Variants in TRAPPC8 observed in about 807,000 individuals in gnomAD.
TRAPPC8 encodes the protein general sporulation gene 1 homolog.
In TRAPPC8, 54 loss-of-function variants were observed where a neutral mutation model predicts 174.3. The observed-to-expected ratio is 0.31, with a 90% CI of 0.25 to 0.39. TRAPPC8 has a LOEUF of 0.39. Ranked by LOEUF, TRAPPC8 falls within the 10% of genes least tolerant of loss-of-function variation. The pLI is 1.00. For missense variants in TRAPPC8, 1,531 were observed against 1,699.1 expected (o/e 0.90, Z 1.74); for synonymous variants, 630 against 579.9 (o/e 1.09, Z -1.24).
At chr18:31,888,812 G>A (rs544479932) in intron 12 of TRAPPC8, among the ~76,000 whole-genome samples, 4 of 152,280 alleles carry the variant, frequency 2.6e-5, no homozygotes, top group African/African-American at 9.6e-5. Flanking sequence ...ATGAATGCTG[G>A]GCTTAATACC....
intron 15 of TRAPPC8, 77 bp from the exon 16 acceptor site, chr18:31,870,579 T>C: frequency 1.4e-6 from 2 of 1,471,518 alleles, no homozygotes; most frequent in Non-Finnish European, 1.9e-6. Context: ...TCTAAATGCA[T>C]CTTGCTTTCA....
chr18:31,928,030 C>A lies in TRAPPC8; in HGVS notation c.352+3299G>T, dbSNP rs151023602. ...AATTAGCCGGGTGTGGTGGTGCACA[C>A]CTGTAGTCCCAGAAACTCAGGAGGC... On this transcript the variant is annotated intron_variant, in intron 2 of 28. Transcript: ENST00000283351. Among the ~76,000 whole-genome samples, 834 of 151,786 alleles carry A rather than the reference C, an allele frequency of 5.5e-3. 5 individuals are homozygous for A. Among genetic ancestry groups the A allele is most frequent in the African/African-American group, 0.019 (792 of 41,392 alleles).
At chr18:31,883,928 C>T (rs1396696193) in intron 12 of TRAPPC8, among the ~76,000 whole-genome samples, 2 of 152,290 alleles carry the variant, frequency 1.3e-5, no homozygotes, top group East Asian at 1.9e-4. Flanking sequence ...GTGACTTACA[C>T]CTGTAATCCT....
chr18:31,913,174 GAAA>G (rs950126523), intron 5 of TRAPPC8, among the ~76,000 whole-genome samples, 192 bp downstream of exon 5: 5 of 151,960 alleles, frequency 3.3e-5, no homozygotes, highest in Admixed American at 1.3e-4. Flanking sequence ...GTACACACCT[GAAA>G]AGAGTGCACA....
In TRAPPC8 at chr18:31,909,561, G is replaced by A. The variant is rs1209568794; in HGVS notation, c.865+106C>T. On this transcript the variant is annotated intron_variant, in intron 6 of 28. Transcript: ENST00000283351. ...AAACTAACCTGCCCAATATCTTTCT[G>A]TATTATGAAAAATTTCCCCCATCTT... 2.7e-6 allele frequency: 4 copies of A among 1,455,990 alleles called. No homozygotes were observed. In the African/African-American group the frequency reaches 5.9e-5, roughly 21 times the overall value. 90.2% of individuals were successfully genotyped at this position (1,455,990 alleles called of 1,614,324 possible).
Position 31,870,488 on chromosome 18 carries a change from C to T in TRAPPC8, c.2272G>A (p.Glu758Lys). ...TTCAAAGGGTTTCTAAAAGCCACTT[C>T]CACTGTAATTGGTTCTATTAAAAAA... ...LAVVEEPITV[E>K]VAFRNPLKVL... is the part of the protein sequence containing the mutation. The change falls in exon 16 of 29, where the codon GAA (glutamate) becomes AAA (lysine). Residue 758 changes from glutamate to lysine, a missense_variant. Coordinates refer to ENST00000283351, the MANE Select transcript of TRAPPC8 (RefSeq NM_014939.5). 3 of 1,610,962 alleles carry T rather than the reference C, an allele frequency of 1.9e-6. No homozygotes were observed. The highest frequency in any genetic ancestry group is 2.5e-6 in the Non-Finnish European group (3 of 1,178,710).
chr18:31,848,926 T>C (rs1337137020), intron 25 of TRAPPC8, among the ~76,000 whole-genome samples: 2 of 152,194 alleles, frequency 1.3e-5, no homozygotes, highest in African/African-American at 4.8e-5. Context: ...CTGCCATGTG[T>C]GAACCTTATT....
chr18:31,936,860 C>T lies in TRAPPC8; in HGVS notation c.158-5337G>A, dbSNP rs143017231. Among the ~76,000 whole-genome samples the T allele has an allele frequency of 3.2e-3, 421 of 131,354 alleles. 2 individuals are homozygous for T. Among genetic ancestry groups the T allele is most frequent in the African/African-American group, 0.011 (365 of 33,882 alleles). The allele number at this position is 131,354 out of a possible 152,430, so 86.2% of individuals were successfully genotyped here. ...GAGGTTGCAGTGAGCTAAGATTGTG[C>T]GACGGCACTGCAGTCTGGGTGACAG... On this transcript the variant is annotated intron_variant, in intron 1 of 28. Transcript: ENST00000283351.
chr18:31,932,441 C>A lies in TRAPPC8; in HGVS notation c.158-918G>T, dbSNP rs377331661. Among the ~76,000 whole-genome samples, 602 of 148,736 alleles carry A rather than the reference C, an allele frequency of 4.0e-3. 7 individuals carry two copies. The highest frequency in any genetic ancestry group is 0.029 in the South Asian group (138 of 4,696). On this transcript the variant is annotated intron_variant, in intron 1 of 28. Coordinates refer to ENST00000283351, the MANE Select transcript of TRAPPC8 (RefSeq NM_014939.5). ...GACTTGGTCTCCAAAAAAAAAAAAA[C>A]AACAACAACAACAAAAAAACAATGT...
chr18:31,858,284 A>G (rs1352332494), intron 19 of TRAPPC8, among the ~76,000 whole-genome samples: 4 of 152,226 alleles, frequency 2.6e-5, no homozygotes, highest in Non-Finnish European at 5.9e-5. Flanking sequence ...GGACCAGAAA[A>G]GTTGAAAGTA....
intron 27 of TRAPPC8, among the ~76,000 whole-genome samples, chr18:31,836,945 G>A (rs2032773601): frequency 6.6e-6 from 1 of 151,912 alleles, no homozygotes; most frequent in Non-Finnish European, 1.5e-5. Flanking sequence ...TGTATTTTTA[G>A]TAGAGATGGG....
intron 2 of TRAPPC8, among the ~76,000 whole-genome samples, chr18:31,919,486 T>C (rs775277761): frequency 1.9e-4 from 29 of 150,920 alleles, no homozygotes; most frequent in African/African-American, 2.9e-4. Context: ...TGAGCTGAGA[T>C]GGCGTCACTG....
chr18:31,913,620 C>A, intron 4 of TRAPPC8, 98 bp from the exon 5 acceptor site: 1 of 934,234 alleles, frequency 1.1e-6, no homozygotes. Flanking sequence ...TAAAATAATC[C>A]CCCAAAAAGG....
At chr18:31,920,543 G>C (rs1217648494) in intron 2 of TRAPPC8, among the ~76,000 whole-genome samples, 1 of 152,056 alleles carries the variant, frequency 6.6e-6, no homozygotes, top group Non-Finnish European at 1.5e-5. Flanking sequence ...GCTCATGCCT[G>C]TAATCCTAGC....
intron 24 of TRAPPC8, among the ~76,000 whole-genome samples, chr18:31,850,652 A>G (rs2033660704): frequency 1.3e-5 from 2 of 152,198 alleles, no homozygotes; most frequent in Non-Finnish European, 1.5e-5. Flanking sequence ...GTTAATTATT[A>G]AATAAGTATT....
chr18:31,872,523 G>A (rs1463634717), intron 14 of TRAPPC8, among the ~76,000 whole-genome samples: 1 of 151,870 alleles, frequency 6.6e-6, no homozygotes, highest in African/African-American at 2.4e-5. Context: ...GGGTTCAAGC[G>A]ATTCTCCTGA....
chr18:31,868,095 G>A (rs1202362210), intron 16 of TRAPPC8, among the ~76,000 whole-genome samples: 1 of 152,100 alleles, frequency 6.6e-6, no homozygotes, highest in Admixed American at 6.6e-5. Context: ...AAGACAGGTA[G>A]ACAATAACAG....
chr18:31,832,264 G>C, intron 27 of TRAPPC8, 91 bp from the exon 28 acceptor site: 1 of 538,408 alleles, frequency 1.9e-6, no homozygotes, highest in Non-Finnish European at 2.8e-6. Flanking sequence ...ATGTAACAGA[G>C]CATAAGCTCC....
Position 31,909,022 on chromosome 18 carries a change from G to C in TRAPPC8, c.866-12C>G, listed in dbSNP as rs1472752378. On this transcript the variant is annotated splice_polypyrimidine_tract_variant and intron_variant, in intron 6 of 28. Coordinates refer to ENST00000283351, the MANE Select transcript of TRAPPC8 (RefSeq NM_014939.5). ...ATTTGGTAAGCCATCTACTGAAAAA[G>C]AGATTATTTCTTTTACTCTCAGAAT... 1.9e-6 allele frequency: 3 copies of C among 1,582,474 alleles called. No individual in the cohort carries two copies. The highest frequency in any genetic ancestry group is 1.1e-5 in the South Asian group (1 of 88,072).
Sources: allele counts gnomAD v4.1 joint callset (sites outside exome capture counted in the v4.1 genomes callset), GRCh38; gene constraint gnomAD v4.1.1; transcripts MANE v1.5; gene names NCBI Gene and HGNC (gene_info 2026-07-23, HGNC 2026-07-21).